Variants in NECTIN3 observed in about 807,000 individuals in gnomAD.
NECTIN3 encodes the protein nectin cell adhesion molecule 3.
Under a neutral mutation model 49.4 loss-of-function variants are expected in NECTIN3, and 8 were observed. The observed-to-expected ratio is 0.16, with a 90% CI of 0.10 to 0.29. The LOEUF is 0.29. Ranked by LOEUF, NECTIN3 falls within the 10% of genes least tolerant of loss-of-function variation. The pLI, the probability that NECTIN3 is intolerant of heterozygous loss-of-function variation, is 1.00. For synonymous variants in NECTIN3, 277 were observed against 241.1 expected (o/e 1.15, Z -1.38); for missense variants, 581 against 654.6 (o/e 0.89, Z 1.23).
intron 1 of NECTIN3, among the ~76,000 whole-genome samples, chr3:111,108,669 G>T (rs1370855985): frequency 6.6e-6 from 1 of 152,116 alleles, no homozygotes; most frequent in Non-Finnish European, 1.5e-5. Flanking sequence ...TTCTGGTGAG[G>T]GCCTCAGGAA....
chr3:111,191,980 C>T (rs1362891131), upstream of NECTIN3, among the ~76,000 whole-genome samples: 1 of 152,028 alleles, frequency 6.6e-6, no homozygotes, highest in Non-Finnish European at 1.5e-5. Flanking sequence ...TACAGGTGTG[C>T]CCCACCACAC....
At chr3:111,078,239 T>C (rs1283136212) in intron 1 of NECTIN3, among the ~76,000 whole-genome samples, 2 of 152,194 alleles carry the variant, frequency 1.3e-5, no homozygotes, top group East Asian at 3.9e-4. Context: ...AGGCCTAGAA[T>C]GACATTGCTC....
At chr3:111,185,214 C>T (rs7640091) in intron 7 of NECTIN3, among the ~76,000 whole-genome samples, 101 of 152,276 alleles carry the variant, frequency 6.6e-4, no homozygotes, top group Non-Finnish European at 1.0e-3. Flanking sequence ...AAATGCCGAA[C>T]TCTGTCTCCC....
At position 111,135,777 on chromosome 3, in the gene NECTIN3, A is replaced by G. The variant is rs2034554439; in HGVS notation, c.*1562A>G. On this transcript the variant is annotated 3_prime_UTR_variant, in exon 6 of 6. Coordinates refer to ENST00000485303, the MANE Select transcript of NECTIN3 (RefSeq NM_015480.3). ...TCTAACATGTTCATGGTATCTTGCA[A>G]ATAGTGAAAGCTTTATTCTGAAGGA... 9.4e-6 allele frequency: 9 copies of G among 957,610 alleles called. No individual in the cohort carries two copies. The highest frequency in any genetic ancestry group is 9.9e-6 in the Non-Finnish European group (8 of 805,026). 59.3% of individuals were successfully genotyped at this position (957,610 alleles called of 1,614,324 possible). A position where few individuals can be genotyped will look rare whatever the true frequency, so the allele number is the denominator to read the frequency against.
At chr3:111,148,329 G>C (rs545963926) in intron 7 of NECTIN3, among the ~76,000 whole-genome samples, 1 of 152,150 alleles carries the variant, frequency 6.6e-6, no homozygotes, top group Non-Finnish European at 1.5e-5. Context: ...TCAGTTTACT[G>C]TCCAAGAATG....
chr3:111,109,416 G>T (rs966268114), intron 1 of NECTIN3, among the ~76,000 whole-genome samples: 2 of 151,978 alleles, frequency 1.3e-5, no homozygotes, highest in African/African-American at 4.8e-5. Flanking sequence ...CCTTTCTAGG[G>T]TAATTAGTGT....
chr3:111,099,469 A>G (rs995241671), intron 1 of NECTIN3, among the ~76,000 whole-genome samples: 6 of 152,142 alleles, frequency 3.9e-5, no homozygotes, highest in African/African-American at 1.4e-4. Context: ...TTTCTTTTCT[A>G]GATTATCAGT....
chr3:111,107,454 A>G lies in NECTIN3; in HGVS notation c.161-4576A>G, dbSNP rs143551909. On this transcript the variant is annotated intron_variant, in intron 1 of 5. Transcript: ENST00000485303. ...AAACAGAGTAGTATCCTGTTTTATT[A>G]TGGTTTTCCTACGTGTCTAGAGTGT... Among the ~76,000 whole-genome samples the G allele has an allele frequency of 1.6e-4, 24 of 152,268 alleles. No individual in the cohort carries two copies. The East Asian group carries it at 4.2e-3, about 27-fold the overall frequency.
upstream of NECTIN3, among the ~76,000 whole-genome samples, chr3:111,191,022 A>G (rs1326209063): frequency 1.3e-5 from 2 of 152,204 alleles, no homozygotes; most frequent in African/African-American, 4.8e-5. Flanking sequence ...GTCCTTCCAA[A>G]CCAAAAGGGA....
chr3:111,179,785 C>T (rs72937965), intron 7 of NECTIN3, among the ~76,000 whole-genome samples: 104 of 151,532 alleles, frequency 6.9e-4, no homozygotes, highest in African/African-American at 2.5e-3. Flanking sequence ...CCAAGCTACT[C>T]GGAAGGCTGA....
At chr3:111,163,304 A>G (rs1044942903) in intron 7 of NECTIN3, among the ~76,000 whole-genome samples, 1 of 152,200 alleles carries the variant, frequency 6.6e-6, no homozygotes, top group Non-Finnish European at 1.5e-5. Context: ...AGGCAAGTGA[A>G]AGCTGTGTTA....
At position 111,135,404 on chromosome 3, in the gene NECTIN3, T is replaced by C; in HGVS notation, c.*1189T>C. 1.1e-6 allele frequency: 1 copy of C among 929,828 alleles called. No homozygotes were observed. The allele number at this position is 929,828 out of a possible 1,614,324, so 57.6% of individuals were successfully genotyped here. ...ATGAGGTTTTTTGTTTTTGTTTTTT[T>C]ACATAATTACATATATTCCTTCTGA... On this transcript the variant is annotated 3_prime_UTR_variant, in exon 6 of 6. Transcript: ENST00000485303.
intron 7 of NECTIN3, among the ~76,000 whole-genome samples, chr3:111,160,053 G>C (rs563330644): frequency 6.6e-6 from 1 of 151,876 alleles, no homozygotes; most frequent in Non-Finnish European, 1.5e-5. Context: ...GTTTATCTCC[G>C]CTCACTGGTC....
In NECTIN3 at chr3:111,159,366, C is replaced by T. The variant is rs149118749; in HGVS notation, c.1221+11882C>T. 3.1e-3 allele frequency among the ~76,000 whole-genome samples: 465 copies of T among 152,254 alleles called. 3 individuals are homozygous for T. Among genetic ancestry groups the T allele is most frequent in the African/African-American group, 0.01 (426 of 41,550 alleles). ...GGTTTTTGGCTCACAAAAAGTGACT[C>T]AAGTTTGTAGTTTTATTTTAAAGTC... On this transcript the variant is annotated intron_variant, in intron 7 of 8. Transcript: ENST00000493615.
intron 4 of NECTIN3, 97 bp from the exon 5 acceptor site, chr3:111,126,087 G>C: frequency 1.2e-6 from 1 of 829,472 alleles, no homozygotes; most frequent in Non-Finnish European, 1.7e-6. Context: ...TTTTTATTTT[G>C]ACTAACATCT....
Position 111,118,837 on chromosome 3 carries a change from C to T in NECTIN3, c.684C>T (p.Ile228=). The T allele has an allele frequency of 6.2e-7, 1 of 1,614,104 alleles. No homozygotes were observed. The highest frequency in any genetic ancestry group is 8.5e-7 in the Non-Finnish European group (1 of 1,180,008). ...TSFPNETATI[I]SQYKLFPTRF... ...TTCCAAATGAAACGGCAACGATTAT[C>T]AGCCAGTACAAGCTATTTCCAACCA... Residue 228 remains isoleucine, a synonymous_variant, in exon 3 of 6, where the codon ATC becomes ATT. Transcript: ENST00000485303.
intron 5 of NECTIN3, 28 bp downstream of exon 5, chr3:111,126,363 G>A: frequency 6.4e-7 from 1 of 1,563,150 alleles, no homozygotes; most frequent in African/African-American, 1.4e-5. Flanking sequence ...TGCAAAATGA[G>A]TTATTTAAAA....
At chr3:111,166,633 A>T (rs1027358845) in intron 7 of NECTIN3, among the ~76,000 whole-genome samples, 5 of 152,182 alleles carry the variant, frequency 3.3e-5, no homozygotes, top group African/African-American at 9.6e-5. Flanking sequence ...ATCAATCTAG[A>T]TTAAGGTCTG....
intron 3 of NECTIN3, among the ~76,000 whole-genome samples, chr3:111,120,871 C>G (rs2033920423): frequency 6.6e-6 from 1 of 152,024 alleles, no homozygotes; most frequent in Non-Finnish European, 1.5e-5. Flanking sequence ...TCTTTTTCTT[C>G]TTGGCCCTCA....
Sources: gnomAD v4.1 joint callset for allele counts (sites outside exome capture counted in the v4.1 genomes callset) on GRCh38, gnomAD v4.1.1 for gene constraint, MANE v1.5 for transcripts, NCBI Gene and HGNC (gene_info 2026-07-23, HGNC 2026-07-21) for gene names.